NEK11: variants seen among roughly 807,000 people sequenced by gnomAD.
NEK11 encodes NIMA related kinase 11.
In NEK11, 72 loss-of-function variants were observed where a neutral mutation model predicts 80.7. The ratio of observed to expected loss-of-function variants is 0.89; its 90% CI spans 0.74 to 1.08. The LOEUF (loss-of-function observed/expected upper bound fraction) is 1.08, where lower values mean the gene tolerates loss of function less well. Among genes scored for constraint, NEK11 ranks in the 50% least tolerant of loss-of-function variants. NEK11 has a pLI of 0.00. For synonymous variants in NEK11, 251 were observed against 260.7 expected (o/e 0.96, Z 0.36); for missense variants, 764 against 763.6 (o/e 1.00, Z -0.01).
At chr3:131,216,704 T>C (rs569998620) in intron 14 of NEK11, among the ~76,000 whole-genome samples, 11 of 152,276 alleles carry the variant, frequency 7.2e-5, no homozygotes, top group Non-Finnish European at 1.3e-4. Context: ...CCTGGACTGT[T>C]CATTTCTCCC....
intron 16 of NEK11, among the ~76,000 whole-genome samples, chr3:131,250,751 T>G (rs564837022): frequency 1.1e-4 from 16 of 152,206 alleles, no homozygotes; most frequent in Admixed American, 3.9e-4. Context: ...TAGAGAGGAA[T>G]GGAACTAATG....
At chr3:131,139,921 C>T (rs2086506573) in intron 7 of NEK11, among the ~76,000 whole-genome samples, 4 of 151,346 alleles carry the variant, frequency 2.6e-5, no homozygotes, top group Admixed American at 2.6e-4. Context: ...GCCATGAGAG[C>T]CTGGGCAGGG....
chr3:131,030,903 A>G (rs2064744090), intron 3 of NEK11, among the ~76,000 whole-genome samples: 1 of 152,220 alleles, frequency 6.6e-6, no homozygotes, highest in African/African-American at 2.4e-5. Flanking sequence ...AAACTTGCCT[A>G]TCAGAAACAC....
At chr3:131,102,558 TG>T (rs752733840) in intron 4 of NEK11, among the ~76,000 whole-genome samples, 16 of 152,212 alleles carry the variant, frequency 1.1e-4, no homozygotes, top group Non-Finnish European at 1.9e-4. Context: ...GCTAGCCTGA[TG>T]GGTTTCCCTC....
chr3:131,253,409 G>T (rs2095745835), intron 16 of NEK11, among the ~76,000 whole-genome samples: 1 of 152,002 alleles, frequency 6.6e-6, no homozygotes, highest in African/African-American at 2.4e-5. Flanking sequence ...AAATGAAAAG[G>T]GAACAGAAAA....
At chr3:131,049,094 T>G (rs1366357120) in intron 3 of NEK11, among the ~76,000 whole-genome samples, 1 of 152,242 alleles carries the variant, frequency 6.6e-6, no homozygotes, top group Non-Finnish European at 1.5e-5. Context: ...TAACAATGAT[T>G]GCTTTTTGGT....
At chr3:131,070,412 C>T (rs1337070541) in intron 3 of NEK11, among the ~76,000 whole-genome samples, 2 of 152,068 alleles carry the variant, frequency 1.3e-5, no homozygotes, top group Admixed American at 1.3e-4. Context: ...GTAGACTTCA[C>T]CACCTTGTTA....
At chr3:131,069,661 G>A (rs1273103841) in intron 3 of NEK11, among the ~76,000 whole-genome samples, 1 of 151,538 alleles carries the variant, frequency 6.6e-6, no homozygotes, top group African/African-American at 2.4e-5. Context: ...AAAATGATGA[G>A]TTCACGTCCT....
chr3:131,319,215 C>A (rs1232023119), intron 17 of NEK11, among the ~76,000 whole-genome samples: 1 of 152,068 alleles, frequency 6.6e-6, no homozygotes, highest in African/African-American at 2.4e-5. Context: ...TTAATATAAT[C>A]AATTTTTTCT....
intron 3 of NEK11, among the ~76,000 whole-genome samples, chr3:131,058,126 C>A (rs1175215625): frequency 2.0e-5 from 3 of 152,124 alleles, no homozygotes; most frequent in Non-Finnish European, 4.4e-5. Flanking sequence ...GTTTTCCCAG[C>A]ACCATTTATT....
intron 14 of NEK11, among the ~76,000 whole-genome samples, chr3:131,204,358 T>C (rs1187242741): frequency 2.6e-5 from 4 of 152,272 alleles, no homozygotes; most frequent in African/African-American, 7.2e-5. Flanking sequence ...AGCAAATTAA[T>C]CAAACCCAAG....
At chr3:131,068,149 C>T (rs1226190252) in intron 3 of NEK11, among the ~76,000 whole-genome samples, 1 of 152,200 alleles carries the variant, frequency 6.6e-6, no homozygotes, top group Non-Finnish European at 1.5e-5. Context: ...AATCCACCCT[C>T]TGTCCCAAGC....
chr3:131,168,573 G>T (rs1054906329), intron 12 of NEK11, among the ~76,000 whole-genome samples: 15 of 151,540 alleles, frequency 9.9e-5, no homozygotes, highest in Non-Finnish European at 1.5e-4. Flanking sequence ...AGCCAGGATG[G>T]TCTCGATCTC....
At chr3:131,043,756 A>G (rs369485341) in intron 3 of NEK11, among the ~76,000 whole-genome samples, 1 of 152,200 alleles carries the variant, frequency 6.6e-6, no homozygotes, top group African/African-American at 2.4e-5. Context: ...TTCAGGAAAT[A>G]CAGAGAACAC....
chr3:131,221,099 A>G (rs779297320), intron 14 of NEK11, among the ~76,000 whole-genome samples: 1 of 152,114 alleles, frequency 6.6e-6, no homozygotes, highest in Admixed American at 6.5e-5. Context: ...TTATGTGGCA[A>G]TTTGAAAGTC....
rs548780954 is a variant in NEK11, at chr3:131,225,460, G to A, written c.1400-3068G>A. On this transcript the variant is annotated intron_variant, in intron 14 of 17. Coordinates refer to ENST00000383366, the MANE Select transcript of NEK11 (RefSeq NM_024800.5). Reference sequence around the variant, plus strand: ...ATGACTTATTTCTTCCTGGTGTTGGGTATTACAGGAAAAACTACTGAGTGT... The same window carrying A: ...ATGACTTATTTCTTCCTGGTGTTGGATATTACAGGAAAAACTACTGAGTGT... Among the ~76,000 whole-genome samples, 102 of 152,216 alleles carry A rather than the reference G, an allele frequency of 6.7e-4. 1 individual carries two copies. The highest frequency in any genetic ancestry group is 2.0e-3 in the African/African-American group (82 of 41,540).
At chr3:131,294,286 T>TA (rs1257184636) in intron 17 of NEK11, among the ~76,000 whole-genome samples, 1 of 152,132 alleles carries the variant, frequency 6.6e-6, no homozygotes, top group Admixed American at 6.5e-5. Flanking sequence ...TAGTTCAAAA[T>TA]ACGTTAAAAT....
chr3:131,270,212 A>G lies in NEK11; in HGVS notation c.1622-3266A>G, dbSNP rs118167228. Among the ~76,000 whole-genome samples, 5 of 152,302 alleles carry G rather than the reference A, an allele frequency of 3.3e-5. No homozygotes were observed. The East Asian group carries it at 5.8e-4, about 18-fold the overall frequency. ...TCCACAGACAAATACAGACCCCCCA[A>G]AAAACAGCTTTTCTCTTGTTTCTTG... is the stretch of plus-strand genomic sequence containing the variant. On this transcript the variant is annotated intron_variant, in intron 16 of 17. Coordinates refer to ENST00000383366, the MANE Select transcript of NEK11 (RefSeq NM_024800.5).
chr3:131,166,860 G>A (rs1002313138), intron 12 of NEK11, among the ~76,000 whole-genome samples: 1 of 152,148 alleles, frequency 6.6e-6, no homozygotes, highest in African/African-American at 2.4e-5. Context: ...AAAACTGGGT[G>A]CATTTCTTCA....
Sources: allele counts gnomAD v4.1 joint callset (sites outside exome capture counted in the v4.1 genomes callset), GRCh38; gene constraint gnomAD v4.1.1; transcripts MANE v1.5; gene names NCBI Gene and HGNC (gene_info 2026-07-23, HGNC 2026-07-21).